Variants in KIAA0319 observed in about 807,000 individuals in gnomAD.
KIAA0319 encodes dyslexia-associated protein KIAA0319.
Under a neutral mutation model 108.4 loss-of-function variants are expected in KIAA0319, and 83 were observed. The observed-to-expected ratio is 0.77, with a 90% CI of 0.64 to 0.92. KIAA0319 has a LOEUF of 0.92. KIAA0319 is among the 40% of genes least tolerant of loss of function. The pLI, the probability that KIAA0319 is intolerant of heterozygous loss-of-function variation, is 0.00. For missense variants in KIAA0319, 1,195 were observed against 1,322.4 expected, an observed-to-expected ratio of 0.90 and a Z score of 1.49; for synonymous variants, 484 against 510.4, an observed-to-expected ratio of 0.95 and a Z score of 0.70.
chr6:24,560,674 T>G (rs1762988751), intron 16 of KIAA0319, among the ~76,000 whole-genome samples: 1 of 152,242 alleles, frequency 6.6e-6, no homozygotes, highest in Non-Finnish European at 1.5e-5. Context: ...ATTCCTTGGC[T>G]TGTGGAAGAA....
chr6:24,595,930 C>T lies in KIAA0319; in HGVS notation c.744G>A (p.Leu248=), dbSNP rs1769474757. The change falls in exon 3 of 21, where the codon TTG becomes TTA. Residue 248 remains leucine, a synonymous_variant. Transcript: ENST00000378214. The part of the protein sequence containing the change: ...LPTTPSSGEV[L]EKEKASQLQE... ...GGAGCTGAGAAGCCTTTTCTTTCTC[C>T]AACACCTCTCCTGAAGATGGAGTAG... 6.2e-7 allele frequency: 1 copy of T among 1,613,610 alleles called. No homozygotes were observed. Among genetic ancestry groups the T allele is most frequent in the African/African-American group, 1.3e-5 (1 of 74,888 alleles).
intron 3 of KIAA0319, 129 bp downstream of exon 3, chr6:24,595,744 G>A (rs111493064): frequency 5.3e-6 from 5 of 949,214 alleles, no homozygotes; most frequent in African/African-American, 4.9e-5. Context: ...CCTGAGACAG[G>A]TGCCCTTAGG....
intron 1 of KIAA0319, among the ~76,000 whole-genome samples, chr6:24,607,749 T>C (rs919176157): frequency 2.6e-5 from 4 of 152,258 alleles, no homozygotes; most frequent in Non-Finnish European, 5.9e-5. Context: ...CAGGTTTTAC[T>C]TATTTCTCAT....
chr6:24,569,976 C>A lies in KIAA0319; in HGVS notation c.1918G>T (p.Glu640Ter). 1 of 1,614,132 alleles carries A rather than the reference C, an allele frequency of 6.2e-7. No individual in the cohort carries two copies. The highest frequency in any genetic ancestry group is 8.5e-7 in the Non-Finnish European group (1 of 1,179,972). ...CTGCTCCCATCCAGGGTAGCACTTT[C>A]CACTGGGAAGATCAGCTCTTTATCA... ...GPDKELIFPV[E>*]SATLDGSSSS... The change falls in exon 12 of 21, where the codon GAA becomes TAA. Residue 640 changes from glutamate to a stop codon, truncating the protein, a stop_gained. Coordinates refer to ENST00000378214, the MANE Select transcript of KIAA0319 (RefSeq NM_014809.4). LOFTEE classifies it high-confidence loss of function.
At chr6:24,645,456 A>G (rs1777497571) in intron 1 of KIAA0319, among the ~76,000 whole-genome samples, 1 of 152,230 alleles carries the variant, frequency 6.6e-6, no homozygotes, top group Non-Finnish European at 1.5e-5. Flanking sequence ...TCACATAAAT[A>G]GTTCTGAATG....
intron 10 of KIAA0319, among the ~76,000 whole-genome samples, chr6:24,573,960 C>T (rs1239826829): frequency 6.6e-6 from 1 of 151,626 alleles, no homozygotes; most frequent in Non-Finnish European, 1.5e-5. Context: ...ACTAAAAATA[C>T]AAAAATTATT....
chr6:24,556,571 C>A, intron 18 of KIAA0319, 36 bp downstream of exon 18: 2 of 1,605,322 alleles, frequency 1.2e-6, no homozygotes, highest in Non-Finnish European at 1.7e-6. Flanking sequence ...TGCCTTAAGG[C>A]TCCTCACCCA....
At chr6:24,608,727 G>A (rs1366768546) in intron 1 of KIAA0319, among the ~76,000 whole-genome samples, 1 of 151,572 alleles carries the variant, frequency 6.6e-6, no homozygotes, top group South Asian at 2.1e-4. Flanking sequence ...TCAGGAGATC[G>A]AGACCATCCT....
At chr6:24,547,680 G>A (rs973954362) in intron 20 of KIAA0319, among the ~76,000 whole-genome samples, 9 of 152,188 alleles carry the variant, frequency 5.9e-5, no homozygotes, top group African/African-American at 2.2e-4. Context: ...GTGAAATAGT[G>A]CATGTAAAGC....
rs182598333 is a variant in KIAA0319 at position 24,621,105 on chromosome 6, A to G, written c.-105-19897T>C. On this transcript the variant is annotated intron_variant, in intron 1 of 20. Transcript: ENST00000378214. Reference sequence around the variant, plus strand: ...ATCTCCCTTCCATTATGTTTCCACAAACCCAAGCTTCCAAATGAAGGTGTT... The same window carrying G: ...ATCTCCCTTCCATTATGTTTCCACAGACCCAAGCTTCCAAATGAAGGTGTT... Among the ~76,000 whole-genome samples the G allele has an allele frequency of 2.7e-4, 41 of 152,266 alleles. No homozygotes were observed. The East Asian group carries it at 5.0e-3, about 19-fold the overall frequency.
At chr6:24,592,623 G>T (rs1768679436) in intron 3 of KIAA0319, among the ~76,000 whole-genome samples, 1 of 152,048 alleles carries the variant, frequency 6.6e-6, no homozygotes, top group South Asian at 2.1e-4. Flanking sequence ...CTTATTCAGA[G>T]ATTGTCTACA....
At chr6:24,552,036 T>C (rs1249700459) in intron 19 of KIAA0319, among the ~76,000 whole-genome samples, 3 of 151,330 alleles carry the variant, frequency 2.0e-5, no homozygotes, top group Admixed American at 2.0e-4. Context: ...CCTCAACACA[T>C]GAAAATTATG....
chr6:24,570,143 C>T (rs1561957053), intron 11 of KIAA0319, 108 bp from the exon 12 acceptor site: 2 of 1,030,616 alleles, frequency 1.9e-6, no homozygotes, highest in East Asian at 2.6e-5. Context: ...CAGGCAGCCA[C>T]TAGAGTATGC....
intron 1 of KIAA0319, among the ~76,000 whole-genome samples, chr6:24,620,815 C>T (rs1446460516): frequency 6.6e-6 from 1 of 152,148 alleles, no homozygotes; most frequent in East Asian, 1.9e-4. Context: ...AATTTAATTA[C>T]CTCCAATAAA....
rs555189055 is a variant in KIAA0319, at chr6:24,602,597, G to A, written c.-105-1389C>T. Reference sequence around the variant, plus strand: ...GGGTGGATCACGAGGTCAGGAGATCGAGACCATCCTGGCTAACACGGTGAA... The same window carrying A: ...GGGTGGATCACGAGGTCAGGAGATCAAGACCATCCTGGCTAACACGGTGAA... On this transcript the variant is annotated intron_variant, in intron 1 of 20. Transcript: ENST00000378214. 7.2e-5 allele frequency among the ~76,000 whole-genome samples: 11 copies of A among 152,184 alleles called. 1 individual carries two copies. In the East Asian group the frequency reaches 1.7e-3, roughly 24 times the overall value.
At position 24,588,767 on chromosome 6, in the gene KIAA0319, T is replaced by C. The variant is rs773465230; in HGVS notation, c.820A>G (p.Ser274Gly). The C allele has an allele frequency of 2.2e-5, 35 of 1,613,650 alleles. No homozygotes were observed. Among genetic ancestry groups the C allele is most frequent in the Non-Finnish European group, 2.8e-5 (33 of 1,179,920 alleles). ...SGKEVLMPSH[S>G]LPPASLELSS... Reference sequence around the variant, plus strand: ...AGCTCCAGGCTTGCCGGAGGAAGACTATGGGAAGGCATTAGAACCTACGAG... The same window carrying C: ...AGCTCCAGGCTTGCCGGAGGAAGACCATGGGAAGGCATTAGAACCTACGAG... The change falls in exon 4 of 21, where the codon AGT becomes GGT. Residue 274 changes from serine (S) to glycine (G), a missense_variant. Coordinates refer to ENST00000378214, the MANE Select transcript of KIAA0319 (RefSeq NM_014809.4).
At chr6:24,628,408 A>G (rs573554759) in intron 1 of KIAA0319, among the ~76,000 whole-genome samples, 1 of 152,216 alleles carries the variant, frequency 6.6e-6, no homozygotes, top group Non-Finnish European at 1.5e-5. Context: ...CATGAGACAC[A>G]CTTGTAAGTT....
intron 3 of KIAA0319, among the ~76,000 whole-genome samples, chr6:24,594,641 A>G (rs1009523558): frequency 4.2e-5 from 2 of 47,086 alleles, no homozygotes; most frequent in African/African-American, 9.4e-5. Flanking sequence ...AAAAAAAACA[A>G]CAAAAAAAAA....
At chr6:24,640,806 C>T (rs1161592357) in intron 1 of KIAA0319, among the ~76,000 whole-genome samples, 1 of 151,956 alleles carries the variant, frequency 6.6e-6, no homozygotes, top group Non-Finnish European at 1.5e-5. Context: ...GCACATACCA[C>T]CAAGCCCAGC....
Sources: allele counts gnomAD v4.1 joint callset (sites outside exome capture counted in the v4.1 genomes callset), GRCh38; gene constraint gnomAD v4.1.1; transcripts MANE v1.5; gene names NCBI Gene and HGNC (gene_info 2026-07-23, HGNC 2026-07-21).